The following LRP1B variants were observed in gnomAD, a reference collection of about 807,000 sequenced individuals.
LRP1B encodes LDL receptor related protein 1B.
In LRP1B, 217 loss-of-function variants were observed where a neutral mutation model predicts 556.6. The ratio of observed to expected loss-of-function variants is 0.39; its 90% confidence interval spans 0.35 to 0.44. The LOEUF (loss-of-function observed/expected upper bound fraction) is 0.44. Among genes scored for constraint, LRP1B ranks in the 20% least tolerant of loss-of-function variants. The pLI is 1.00. For synonymous variants in LRP1B, 2,047 were observed against 1,865.8 expected, an observed-to-expected ratio of 1.10 and a Z score of -2.50; for missense variants, 5,053 against 5,620.8, an observed-to-expected ratio of 0.90 and a Z score of 3.23.
intron 2 of LRP1B, among the ~76,000 whole-genome samples, chr2:141,484,278 T>C (rs1683033301): frequency 6.7e-6 from 1 of 149,158 alleles, no homozygotes; most frequent in South Asian, 2.2e-4. Context: ...GTTGTAGATA[T>C]GTGGCATTAT....
chr2:141,548,185 A>C (rs1320756203), intron 2 of LRP1B, among the ~76,000 whole-genome samples: 1 of 152,224 alleles, frequency 6.6e-6, no homozygotes, highest in African/African-American at 2.4e-5. Flanking sequence ...CAACAGATAG[A>C]ATAAATAATA....
chr2:140,887,429 C>A (rs2105194948), intron 23 of LRP1B, among the ~76,000 whole-genome samples: 1 of 152,202 alleles, frequency 6.6e-6, no homozygotes, highest in African/African-American at 2.4e-5. Flanking sequence ...AAATCTAGTC[C>A]TCCCAGAGCA....
chr2:140,827,865 T>A (rs1057457947), intron 31 of LRP1B, among the ~76,000 whole-genome samples: 13 of 151,976 alleles, frequency 8.6e-5, no homozygotes, highest in Non-Finnish European at 1.5e-4. Flanking sequence ...CCTAAAAGCA[T>A]CAAGAGATAA....
chr2:142,059,662 A>C (rs1574642584), intron 1 of LRP1B, among the ~76,000 whole-genome samples: 1 of 152,242 alleles, frequency 6.6e-6, no homozygotes, highest in East Asian at 1.9e-4. Context: ...TAAGAAATAC[A>C]TTTATCTTAC....
At chr2:141,634,189 T>A (rs1689015383) in intron 2 of LRP1B, among the ~76,000 whole-genome samples, 1 of 151,884 alleles carries the variant, frequency 6.6e-6, no homozygotes, top group South Asian at 2.1e-4. Flanking sequence ...ATAAATTCTA[T>A]CAAAAAAGGC....
intron 3 of LRP1B, among the ~76,000 whole-genome samples, chr2:141,433,516 G>A (rs1470976323): frequency 6.6e-6 from 1 of 152,042 alleles, no homozygotes; most frequent in East Asian, 1.9e-4. Flanking sequence ...TTGTTTGATT[G>A]TCTATCTGTC....
At chr2:140,344,739 A>T (rs776990682) in intron 77 of LRP1B, among the ~76,000 whole-genome samples, 8 of 151,798 alleles carry the variant, frequency 5.3e-5, no homozygotes, top group Admixed American at 1.3e-4. Flanking sequence ...AGGGGATGAT[A>T]TCAATTATGT....
chr2:140,951,187 A>T (rs1695704294), intron 19 of LRP1B, among the ~76,000 whole-genome samples: 1 of 151,860 alleles, frequency 6.6e-6, no homozygotes, highest in South Asian at 2.1e-4. Flanking sequence ...CTTTTTCCCC[A>T]TTCTCCAACA....
intron 77 of LRP1B, among the ~76,000 whole-genome samples, chr2:140,338,113 G>A (rs1214686830): frequency 2.0e-5 from 3 of 151,618 alleles, no homozygotes; most frequent in East Asian, 1.9e-4. Flanking sequence ...TTATATTGAT[G>A]ACTTGCAGAG....
intron 83 of LRP1B, among the ~76,000 whole-genome samples, chr2:140,298,964 T>G (rs1174734072): frequency 1.3e-5 from 2 of 152,004 alleles, no homozygotes; most frequent in South Asian, 2.1e-4. Context: ...GAGAGAGACT[T>G]AGTTATAGAT....
chr2:141,375,940 G>T (rs72983142), intron 3 of LRP1B, among the ~76,000 whole-genome samples: 3 of 152,020 alleles, frequency 2.0e-5, no homozygotes, highest in Non-Finnish European at 4.4e-5. Flanking sequence ...TCAAAATGGC[G>T]CCTTGCTTGT....
intron 11 of LRP1B, among the ~76,000 whole-genome samples, chr2:141,032,342 C>A (rs747204902): frequency 6.6e-6 from 1 of 152,050 alleles, no homozygotes; most frequent in Middle Eastern, 3.4e-3. Context: ...CATGTGTATA[C>A]GTCTATAGAA....
intron 2 of LRP1B, among the ~76,000 whole-genome samples, chr2:141,616,387 C>G (rs1264016247): frequency 4.6e-5 from 7 of 152,070 alleles, no homozygotes; most frequent in African/African-American, 1.7e-4. Context: ...TATTGACTCT[C>G]CCACCCCCAT....
chr2:141,149,437 C>T (rs1701866469), intron 7 of LRP1B, among the ~76,000 whole-genome samples: 1 of 152,142 alleles, frequency 6.6e-6, no homozygotes, highest in African/African-American at 2.4e-5. Flanking sequence ...TAAAGCAGAA[C>T]TTAATCTTCT....
At chr2:140,363,685 G>GTT (rs149180353) in intron 72 of LRP1B, among the ~76,000 whole-genome samples, 1 of 150,540 alleles carries the variant, frequency 6.6e-6, no homozygotes, top group African/African-American at 2.4e-5. Flanking sequence ...TCCAAAACCT[G>GTT]TTTTTTTTCA....
At chr2:141,946,980 T>G (rs960292312) in intron 1 of LRP1B, among the ~76,000 whole-genome samples, 2 of 152,042 alleles carry the variant, frequency 1.3e-5, no homozygotes, top group African/African-American at 2.4e-5. Flanking sequence ...AGAGCTGAAA[T>G]TTAAAGTGAA....
chr2:140,440,304 C>T (rs1518444), intron 66 of LRP1B, among the ~76,000 whole-genome samples: 35,547 of 152,014 alleles, frequency 0.23, 4,498 homozygotes, highest in Non-Finnish European at 0.28. Context: ...TCATGCCACT[C>T]TTAATGCAAT....
intron 2 of LRP1B, among the ~76,000 whole-genome samples, chr2:141,598,475 A>G (rs1021219495): frequency 6.6e-6 from 1 of 152,124 alleles, no homozygotes; most frequent in African/African-American, 2.4e-5. Context: ...CCTCTTCCTT[A>G]CTTTGTCTTC....
At chr2:140,275,506 C>T (rs190341194) in intron 84 of LRP1B, among the ~76,000 whole-genome samples, 1 of 152,100 alleles carries the variant, frequency 6.6e-6, no homozygotes, top group East Asian at 1.9e-4. Context: ...GAGCAGAGGA[C>T]TCATACCCCT....
Sources: gnomAD v4.1 joint callset for allele counts (sites outside exome capture counted in the v4.1 genomes callset) on GRCh38, gnomAD v4.1.1 for gene constraint, MANE v1.5 for transcripts, NCBI Gene and HGNC (gene_info 2026-07-23, HGNC 2026-07-21) for gene names.